The following RBFOX1 variants were observed in gnomAD, a reference collection of about 807,000 sequenced individuals.
RBFOX1 encodes the protein RNA binding protein fox-1 homolog 1.
Under a neutral mutation model 57.7 loss-of-function variants are expected in RBFOX1, and 8 were observed. The observed-to-expected ratio is 0.14, with a 90% confidence interval of 0.08 to 0.25. RBFOX1 has a LOEUF of 0.25. Among genes scored for constraint, RBFOX1 ranks in the 10% least tolerant of loss-of-function variants. RBFOX1 has a pLI of 1.00. For missense variants in RBFOX1, 611 were observed against 548.5 expected (o/e 1.11, Z -1.14); for synonymous variants, 326 against 222.4 (o/e 1.47, Z -4.15).
intron 1 of RBFOX1, among the ~76,000 whole-genome samples, chr16:6,073,210 C>A (rs1376730): frequency 0.62 from 94,787 of 151,992 alleles, 29,862 homozygotes; most frequent in East Asian, 0.88. Flanking sequence ...ACTCCACTGA[C>A]TTCCAGGGCT....
At chr16:6,220,731 C>CA (rs1555560040) in intron 1 of RBFOX1, among the ~76,000 whole-genome samples, 75,458 of 151,332 alleles carry the variant, frequency 0.5, 19,263 homozygotes, top group Middle Eastern at 0.6. Context: ...CGCCCCCCCC[C>CA]AGTGGAAAAT....
intron 1 of RBFOX1, among the ~76,000 whole-genome samples, chr16:5,342,320 G>A (rs2065049770): frequency 6.6e-6 from 1 of 152,064 alleles, no homozygotes; most frequent in Admixed American, 6.6e-5. Context: ...TGATTCCAGG[G>A]GACTCTGTTA....
At chr16:6,022,094 G>A (rs191839534) in intron 1 of RBFOX1, among the ~76,000 whole-genome samples, 2 of 152,188 alleles carry the variant, frequency 1.3e-5, no homozygotes, top group African/African-American at 4.8e-5. Flanking sequence ...CGGACAAGCT[G>A]CCCACCCACT....
At chr16:5,635,655 C>A (rs2048660757) in intron 3 of RBFOX1, among the ~76,000 whole-genome samples, 1 of 152,168 alleles carries the variant, frequency 6.6e-6, no homozygotes, top group African/African-American at 2.4e-5. Context: ...TGCATTTCCC[C>A]CTCTCTATGC....
intron 3 of RBFOX1, among the ~76,000 whole-genome samples, chr16:6,966,569 T>C (rs2084215460): frequency 6.6e-6 from 1 of 151,908 alleles, no homozygotes; most frequent in African/African-American, 2.4e-5. Flanking sequence ...TGAGAAAGAA[T>C]GGAAGATACG....
chr16:6,517,647 G>A (rs1031657425), intron 2 of RBFOX1, among the ~76,000 whole-genome samples: 1 of 152,130 alleles, frequency 6.6e-6, no homozygotes, highest in East Asian at 1.9e-4. Context: ...CCTCGAGATA[G>A]TACTTGATGG....
chr16:5,841,280 A>C (rs1465481631), intron 3 of RBFOX1, among the ~76,000 whole-genome samples: 1 of 152,232 alleles, frequency 6.6e-6, no homozygotes, highest in Non-Finnish European at 1.5e-5. Context: ...GCTGAGGAGC[A>C]GCAGAGCCAG....
Position 5,345,014 on chromosome 16 carries a change from C to T in RBFOX1, c.219+104909C>T, listed in dbSNP as rs575697034. Among the ~76,000 whole-genome samples the T allele has an allele frequency of 2.0e-5, 3 of 152,368 alleles. No homozygotes were observed. The East Asian group carries it at 5.8e-4, about 29-fold the overall frequency. ...TGTTCACCTCCCTGCCCTTTGCAGG[C>T]ACCACGTGGCATCTGTCTAGTTCTT... On this transcript the variant is annotated intron_variant, in intron 1 of 2. Transcript: ENST00000585867.
At chr16:6,878,398 C>T (rs950157447) in intron 3 of RBFOX1, among the ~76,000 whole-genome samples, 42 of 152,170 alleles carry the variant, frequency 2.8e-4, no homozygotes, top group African/African-American at 9.9e-4. Flanking sequence ...AGAAATATTT[C>T]AGATGATGGA....
chr16:7,242,704 G>A (rs1396614060), intron 4 of RBFOX1, among the ~76,000 whole-genome samples: 1 of 152,200 alleles, frequency 6.6e-6, no homozygotes, highest in African/African-American at 2.4e-5. Flanking sequence ...GAAGCAGCCA[G>A]TTGGACCAGG....
intron 1 of RBFOX1, among the ~76,000 whole-genome samples, chr16:5,397,449 T>C (rs1322947556): frequency 6.6e-6 from 1 of 152,204 alleles, no homozygotes; most frequent in Non-Finnish European, 1.5e-5. Flanking sequence ...CATGCCTGCA[T>C]GTGAGGTCTG....
At chr16:7,256,412 T>C (rs1294450931) in intron 4 of RBFOX1, among the ~76,000 whole-genome samples, 2 of 152,192 alleles carry the variant, frequency 1.3e-5, no homozygotes, top group Non-Finnish European at 2.9e-5. Flanking sequence ...GCGGCTGTCA[T>C]GGGAGAAGCC....
intron 4 of RBFOX1, among the ~76,000 whole-genome samples, chr16:5,948,091 A>T (rs1409783509): frequency 6.6e-6 from 1 of 152,114 alleles, no homozygotes; most frequent in Non-Finnish European, 1.5e-5. Context: ...GGGCATGGTG[A>T]GTCTATGTTT....
chr16:6,972,081 C>T (rs982851540), intron 3 of RBFOX1, among the ~76,000 whole-genome samples: 2 of 152,164 alleles, frequency 1.3e-5, no homozygotes, highest in African/African-American at 2.4e-5. Context: ...TATATTACAG[C>T]ATTTTTTTCC....
intron 4 of RBFOX1, among the ~76,000 whole-genome samples, chr16:7,205,159 G>C (rs184516168): frequency 6.6e-6 from 1 of 152,198 alleles, no homozygotes; most frequent in African/African-American, 2.4e-5. Context: ...GAGAGACCAA[G>C]AAAAATAGTG....
chr16:7,582,817 T>C lies in RBFOX1; in HGVS notation c.414+2897T>C, dbSNP rs183743007. Reference sequence around the variant, plus strand: ...ACAGTCACAAAGATCTTTGTGCTTTTCCCCCCCTTTGTCTCTTGTTAAATA... The same window carrying C: ...ACAGTCACAAAGATCTTTGTGCTTTCCCCCCCCTTTGTCTCTTGTTAAATA... On this transcript the variant is annotated intron_variant, in intron 6 of 15. Coordinates refer to ENST00000550418, the MANE Select transcript of RBFOX1 (RefSeq NM_018723.4). Among the ~76,000 whole-genome samples the C allele has an allele frequency of 4.3e-3, 659 of 152,006 alleles. 1 individual carries two copies. The highest frequency in any genetic ancestry group is 0.024 in the Middle Eastern group (7 of 294).
At chr16:6,475,875 G>T (rs78370940) in intron 2 of RBFOX1, among the ~76,000 whole-genome samples, 1 of 152,114 alleles carries the variant, frequency 6.6e-6, no homozygotes, top group African/African-American at 2.4e-5. Context: ...AATCTACGTC[G>T]CATTTTACTT....
At chr16:7,703,422 T>C (rs1240436582) in intron 14 of RBFOX1, among the ~76,000 whole-genome samples, 2 of 152,146 alleles carry the variant, frequency 1.3e-5, no homozygotes, top group Non-Finnish European at 2.9e-5. Flanking sequence ...TTCACTCATC[T>C]TTCTGCTCCA....
chr16:6,584,711 C>T (rs7196689), intron 2 of RBFOX1, among the ~76,000 whole-genome samples: 3,179 of 152,134 alleles, frequency 0.021, 105 homozygotes, highest in African/African-American at 0.071. Flanking sequence ...TGACCTCTAG[C>T]TACTCCCAGT....
Sources: allele counts gnomAD v4.1 joint callset (sites outside exome capture counted in the v4.1 genomes callset), GRCh38; gene constraint gnomAD v4.1.1; transcripts MANE v1.5; gene names NCBI Gene and HGNC (gene_info 2026-07-23, HGNC 2026-07-21).